Variants in CTNNA3 observed in about 807,000 individuals in gnomAD.
The protein encoded by CTNNA3 is catenin alpha 3.
A neutral mutation model predicts 95.7 loss-of-function variants in CTNNA3; 76 were observed. The ratio of observed to expected loss-of-function variants is 0.79; its 90% CI spans 0.66 to 0.96. CTNNA3 has a LOEUF of 0.96. Ranked by LOEUF, CTNNA3 falls within the 40% of genes least tolerant of loss-of-function variation. The probability of loss-of-function intolerance (pLI) is 0.00; values close to 1 mark genes in which losing one functional copy is unlikely to be tolerated. For synonymous variants in CTNNA3, 431 were observed against 374.4 expected (o/e 1.15, Z -1.74); for missense variants, 1,191 against 1,089.8 (o/e 1.09, Z -1.31).
At chr10:66,570,412 C>T (rs1488890081) in intron 10 of CTNNA3, among the ~76,000 whole-genome samples, 1 of 152,062 alleles carries the variant, frequency 6.6e-6, no homozygotes, top group African/African-American at 2.4e-5. Flanking sequence ...CTTCAGCCTT[C>T]CCAGTAGATG....
intron 7 of CTNNA3, among the ~76,000 whole-genome samples, chr10:66,932,935 T>A (rs939191896): frequency 1.3e-5 from 2 of 152,244 alleles, no homozygotes; most frequent in African/African-American, 4.8e-5. Context: ...CAAGTTCCTT[T>A]GACACTTGCT....
At position 66,474,516 on chromosome 10, in the gene CTNNA3, T is replaced by C. The variant is rs1444109897; in HGVS notation, c.1531+46101A>G. Among the ~76,000 whole-genome samples, 9 of 152,050 alleles carry C rather than the reference T, an allele frequency of 5.9e-5. 1 individual carries two copies. Among genetic ancestry groups the C allele is most frequent in the Non-Finnish European group, 1.5e-5 (1 of 67,986 alleles). ...AATGGTGTTGCAATAAACATGGGAG[T>C]GCAGATATCTTTAACACTGATTTCT... On this transcript the variant is annotated intron_variant, in intron 11 of 17. Coordinates refer to ENST00000433211, the MANE Select transcript of CTNNA3 (RefSeq NM_013266.4).
intron 7 of CTNNA3, among the ~76,000 whole-genome samples, chr10:66,873,730 C>G (rs1008184576): frequency 6.6e-6 from 1 of 151,992 alleles, no homozygotes; most frequent in Non-Finnish European, 1.5e-5. Context: ...GAAACTGGAC[C>G]CCTACTTTTC....
chr10:67,507,755 C>G (rs1336483224), intron 5 of CTNNA3, among the ~76,000 whole-genome samples: 2 of 152,036 alleles, frequency 1.3e-5, no homozygotes, highest in Non-Finnish European at 2.9e-5. Flanking sequence ...CAAAGCCAGA[C>G]AAGGAGGCTA....
chr10:67,270,604 A>G (rs1168982023), intron 5 of CTNNA3, among the ~76,000 whole-genome samples: 1 of 152,186 alleles, frequency 6.6e-6, no homozygotes, highest in Non-Finnish European at 1.5e-5. Flanking sequence ...AGCTTCCTAA[A>G]GAATAATACA....
chr10:66,172,583 C>T (rs111874038), intron 13 of CTNNA3, among the ~76,000 whole-genome samples: 7,225 of 151,726 alleles, frequency 0.048, 214 homozygotes, highest in African/African-American at 0.067. Context: ...CCATTATTTG[C>T]GAGAAAATTT....
intron 3 of CTNNA3, among the ~76,000 whole-genome samples, chr10:67,580,182 T>C (rs1009841550): frequency 6.6e-6 from 1 of 152,186 alleles, no homozygotes; most frequent in Admixed American, 6.5e-5. Flanking sequence ...GCTCTTATGG[T>C]TTTAGGTCTG....
At chr10:66,582,654 G>A (rs1157682014) in intron 10 of CTNNA3, among the ~76,000 whole-genome samples, 5 of 151,676 alleles carry the variant, frequency 3.3e-5, no homozygotes, top group Non-Finnish European at 7.4e-5. Context: ...GATTGCTCTG[G>A]CTAGGATTCC....
rs112218312 is a variant in CTNNA3, at chr10:67,251,194, T to C, written c.580-31324A>G. On this transcript the variant is annotated intron_variant, in intron 5 of 17. Transcript: ENST00000433211. ...TGATACATGCAACAACGTGGATGAATCTTGAAAACATTATGCTAAGTAAAA... is the reference window on the plus strand; with the variant it reads ...TGATACATGCAACAACGTGGATGAACCTTGAAAACATTATGCTAAGTAAAA... 9.4e-3 allele frequency among the ~76,000 whole-genome samples: 1,438 copies of C among 152,290 alleles called. 9 individuals carry two copies. Among genetic ancestry groups the C allele is most frequent in the Admixed American group, 0.014 (209 of 15,284 alleles).
intron 5 of CTNNA3, among the ~76,000 whole-genome samples, chr10:67,386,119 C>A (rs1336042969): frequency 6.6e-6 from 1 of 152,116 alleles, no homozygotes; most frequent in East Asian, 1.9e-4. Flanking sequence ...TTCTAACTTC[C>A]AAATAAAACT....
At chr10:67,252,236 A>AT (rs60985708) in intron 5 of CTNNA3, among the ~76,000 whole-genome samples, 1 of 150,018 alleles carries the variant, frequency 6.7e-6, no homozygotes, top group Non-Finnish European at 1.5e-5. Context: ...AAAAAAAAAA[A>AT]GACCTAAGGA....
intron 9 of CTNNA3, among the ~76,000 whole-genome samples, chr10:66,757,281 T>C (rs904810539): frequency 6.6e-6 from 1 of 152,158 alleles, no homozygotes; most frequent in Non-Finnish European, 1.5e-5. Context: ...GAGTGGCAAC[T>C]CTAAATGCAT....
At chr10:66,050,124 GAAGCTCTTTGGCTCTCA>G (rs1489931252) in intron 15 of CTNNA3, among the ~76,000 whole-genome samples, 2 of 151,746 alleles carry the variant, frequency 1.3e-5, no homozygotes, top group African/African-American at 4.8e-5. Flanking sequence ...CCTACCCTGA[GAAGCTCTTTGGCTCTCA>G]AAGCTTTAAT....
chr10:66,767,051 A>T (rs1839888808), intron 8 of CTNNA3, among the ~76,000 whole-genome samples: 1 of 152,244 alleles, frequency 6.6e-6, no homozygotes, highest in Admixed American at 6.5e-5. Context: ...TAAGCTTATT[A>T]ATGACAATTA....
chr10:66,409,415 T>A (rs1214521222), intron 11 of CTNNA3, among the ~76,000 whole-genome samples: 16 of 150,838 alleles, frequency 1.1e-4, no homozygotes, highest in Non-Finnish European at 2.1e-4. Flanking sequence ...AAAAAAAAAA[T>A]GTCTTTTTAA....
chr10:66,040,935 C>T (rs1458346070), intron 15 of CTNNA3, among the ~76,000 whole-genome samples: 1 of 152,004 alleles, frequency 6.6e-6, no homozygotes, highest in African/African-American at 2.4e-5. Flanking sequence ...TGAGGAGAAA[C>T]AAAATAATTT....
intron 10 of CTNNA3, among the ~76,000 whole-genome samples, chr10:66,611,433 CAAAT>C (rs1003700852): frequency 2.0e-5 from 3 of 151,754 alleles, no homozygotes; most frequent in African/African-American, 7.3e-5. Context: ...AATAAACACA[CAAAT>C]AAAGAAAAAA....
chr10:66,374,144 C>A (rs7088924), intron 12 of CTNNA3, among the ~76,000 whole-genome samples: 1 of 151,622 alleles, frequency 6.6e-6, no homozygotes, highest in African/African-American at 2.4e-5. Context: ...TGTGTAGATG[C>A]TACCGGGGAA....
chr10:66,281,971 A>G (rs1043117135), intron 12 of CTNNA3, among the ~76,000 whole-genome samples: 30 of 151,890 alleles, frequency 2.0e-4, no homozygotes, highest in Admixed American at 1.7e-3. Flanking sequence ...TATAGCTATT[A>G]AAAATTAAAT....
Sources: allele counts gnomAD v4.1 joint callset (sites outside exome capture counted in the v4.1 genomes callset), GRCh38; gene constraint gnomAD v4.1.1; transcripts MANE v1.5; gene names NCBI Gene and HGNC (gene_info 2026-07-23, HGNC 2026-07-21).